Variants in OPHN1 observed in about 807,000 individuals in gnomAD.
The protein encoded by OPHN1 is oligophrenin-1.
A neutral mutation model predicts 60.7 loss-of-function variants in OPHN1; 11 were observed. The ratio of observed to expected loss-of-function variants is 0.18; its 90% CI spans 0.11 to 0.30. OPHN1 has a LOEUF of 0.30. Among genes scored for constraint, OPHN1 ranks in the 10% least tolerant of loss-of-function variants. The pLI, the probability that OPHN1 is intolerant of heterozygous loss-of-function variation, is 1.00. For missense variants in OPHN1, 449 were observed against 611.0 expected (o/e 0.73, Z 2.80); for synonymous variants, 226 against 222.6 (o/e 1.02, Z -0.14).
chrX:68,255,740 AACACACAC>A (rs747223446), intron 5 of OPHN1, among the ~76,000 whole-genome samples: 1 of 101,132 alleles, frequency 9.9e-6, no homozygotes, highest in African/African-American at 3.6e-5. Context: ...CACACACACA[AACACACAC>A]ACACACACAC....
At chrX:68,220,302 C>A (rs1189758293) in intron 6 of OPHN1, among the ~76,000 whole-genome samples, 1 of 107,578 alleles carries the variant, frequency 9.3e-6, no homozygotes, top group African/African-American at 3.4e-5. Flanking sequence ...GCTTAGCAAC[C>A]AAAAAGAGTC....
intron 18 of OPHN1, among the ~76,000 whole-genome samples, chrX:68,101,441 G>A (rs1381605162): frequency 1.8e-5 from 2 of 112,150 alleles, no homozygotes; most frequent in Non-Finnish European, 1.9e-5. Context: ...GAGAAAAAGT[G>A]TTATTAGAAC....
chrX:68,361,835 A>G (rs2078474615), intron 2 of OPHN1, among the ~76,000 whole-genome samples: 1 of 111,878 alleles, frequency 8.9e-6, no homozygotes, highest in Non-Finnish European at 1.9e-5. Context: ...ACTAATTAAC[A>G]TTCCCACAAA....
At chrX:68,301,163 C>T (rs919856360) in intron 2 of OPHN1, among the ~76,000 whole-genome samples, 1 of 111,466 alleles carries the variant, frequency 9.0e-6, no homozygotes, top group Non-Finnish European at 1.9e-5. Context: ...TATGAACAAG[C>T]AGCCGGGTGT....
intron 2 of OPHN1, among the ~76,000 whole-genome samples, chrX:68,344,489 G>A (rs751585461): frequency 9.1e-6 from 1 of 110,198 alleles, no homozygotes; most frequent in East Asian, 2.9e-4. Flanking sequence ...TTGGGTGCCT[G>A]TAATCCCAGC....
intron 6 of OPHN1, among the ~76,000 whole-genome samples, chrX:68,222,850 G>GCA (rs1427859128): frequency 0.22 from 10 of 45 alleles, no homozygotes; most frequent in South Asian, 0.5. Context: ...AGTGGGTGCA[G>GCA]CGCCAGCCAT....
chrX:68,164,480 A>G (rs1390609041), intron 15 of OPHN1, among the ~76,000 whole-genome samples: 1 of 112,143 alleles, frequency 8.9e-6, no homozygotes, highest in East Asian at 2.8e-4. Context: ...TATGAGCAGT[A>G]ATGTTTTGAT....
intron 2 of OPHN1, among the ~76,000 whole-genome samples, chrX:68,382,383 T>A (rs2147744479): frequency 9.0e-6 from 1 of 111,014 alleles, no homozygotes; most frequent in Non-Finnish European, 1.9e-5. Context: ...AATAAAATGC[T>A]ATGGCACCAG....
intron 6 of OPHN1, among the ~76,000 whole-genome samples, chrX:68,228,868 C>T (rs1337905114): frequency 1.8e-5 from 2 of 110,548 alleles, no homozygotes; most frequent in African/African-American, 3.3e-5. Flanking sequence ...GGGATGCCCT[C>T]TCTCACCACT....
chrX:68,400,588 TTTTTTTC>T (rs767421335), intron 2 of OPHN1, among the ~76,000 whole-genome samples: 3 of 108,622 alleles, frequency 2.8e-5, no homozygotes, highest in Admixed American at 2.0e-4. Context: ...TCTTCTCTCT[TTTTTTTC>T]TTTTTTCTTT....
At chrX:68,255,078 G>A (rs1056678818) in intron 5 of OPHN1, among the ~76,000 whole-genome samples, 9 of 105,624 alleles carry the variant, frequency 8.5e-5, no homozygotes, top group African/African-American at 2.4e-4. Context: ...GCTAACATGT[G>A]AGTATGTAAT....
chrX:68,381,134 G>A (rs1023543815), intron 2 of OPHN1, among the ~76,000 whole-genome samples: 9 of 111,453 alleles, frequency 8.1e-5, no homozygotes, highest in Non-Finnish European at 1.5e-4. Flanking sequence ...TTAGGCAATC[G>A]CAAGGATAAA....
chrX:68,287,933 G>T (rs1032903511), intron 3 of OPHN1, among the ~76,000 whole-genome samples: 1 of 111,853 alleles, frequency 8.9e-6, no homozygotes, highest in African/African-American at 3.3e-5. Context: ...AACCTGGTCA[G>T]AGCTTCTTGA....
At chrX:68,174,002 C>T (rs748613837) in intron 15 of OPHN1, among the ~76,000 whole-genome samples, 71 of 111,805 alleles carry the variant, frequency 6.4e-4, no homozygotes, top group African/African-American at 2.0e-3. Context: ...ATCTGAGTGC[C>T]GGTTACATGG....
intron 15 of OPHN1, among the ~76,000 whole-genome samples, chrX:68,125,960 T>TAC (rs111449909): frequency 0.06 from 4,631 of 76,863 alleles, 556 homozygotes; most frequent in African/African-American, 0.21. Context: ...TATATATACA[T>TAC]ACACACACAC....
intron 15 of OPHN1, among the ~76,000 whole-genome samples, chrX:68,174,628 C>A (rs951453250): frequency 9.2e-6 from 1 of 108,841 alleles, no homozygotes; most frequent in Non-Finnish European, 1.9e-5. Flanking sequence ...CAAGCCACCA[C>A]ACTCAGCTAA....
intron 5 of OPHN1, among the ~76,000 whole-genome samples, chrX:68,264,623 CTGCATTTCCAACTGAG>C (rs1321805602): frequency 8.9e-6 from 1 of 111,965 alleles, no homozygotes; most frequent in East Asian, 2.8e-4. Context: ...TGGGTGATTT[CTGCATTTCCAACTGAG>C]GTACTGGGTT....
intron 15 of OPHN1, among the ~76,000 whole-genome samples, chrX:68,185,133 G>A (rs576293881): frequency 1.4e-3 from 160 of 112,187 alleles, no homozygotes; most frequent in African/African-American, 5.0e-3. Flanking sequence ...GCTTATTATC[G>A]TTATTTGCAA....
At chrX:68,288,663 C>T (rs758682766) in intron 3 of OPHN1, among the ~76,000 whole-genome samples, 1 of 110,940 alleles carries the variant, frequency 9.0e-6, no homozygotes, top group South Asian at 3.9e-4. Context: ...ACTCGGAAGG[C>T]TGAGGCAGGA....
Sources: allele counts gnomAD v4.1 joint callset (sites outside exome capture counted in the v4.1 genomes callset), GRCh38; gene constraint gnomAD v4.1.1; transcripts MANE v1.5; gene names NCBI Gene and HGNC (gene_info 2026-07-23, HGNC 2026-07-21).